GPATCH1: variants seen among roughly 807,000 people sequenced by gnomAD.
GPATCH1 encodes G-patch domain containing 1, also known as G patch domain-containing protein 1.
Under a neutral mutation model 114.9 loss-of-function variants are expected in GPATCH1, and 73 were observed. That is an observed-to-expected ratio of 0.64 (90% CI 0.53 to 0.77). GPATCH1 has a LOEUF of 0.77. GPATCH1 is among the 30% of genes least tolerant of loss of function. The pLI is 0.00. For missense variants in GPATCH1, 1,058 were observed against 1,144.3 expected, an observed-to-expected ratio of 0.92 and a Z score of 1.09; for synonymous variants, 391 against 428.4, an observed-to-expected ratio of 0.91 and a Z score of 1.08.
chr19:33,118,880 C>G, intron 16 of GPATCH1, 130 bp from the exon 17 acceptor site: 1 of 592,446 alleles, frequency 1.7e-6, no homozygotes. Flanking sequence ...ACTGCTGCAT[C>G]CTTAGCACCT....
chr19:33,081,489 G>A (rs1415858463), intron 1 of GPATCH1, among the ~76,000 whole-genome samples: 5 of 152,192 alleles, frequency 3.3e-5, no homozygotes, highest in African/African-American at 9.6e-5. Context: ...GAACAAGGGG[G>A]CGGCGAGATA....
At chr19:33,081,556 C>G (rs1972476687) in intron 1 of GPATCH1, among the ~76,000 whole-genome samples, 1 of 152,148 alleles carries the variant, frequency 6.6e-6, no homozygotes. Flanking sequence ...CAGGCAGTGT[C>G]TTCCCCGAGA....
At chr19:33,105,847 CT>C (rs562289122) in intron 9 of GPATCH1, among the ~76,000 whole-genome samples, 13 of 145,310 alleles carry the variant, frequency 8.9e-5, no homozygotes, top group South Asian at 2.2e-4. Flanking sequence ...ATTTGTCTTT[CT>C]TTTTTTTTTG....
chr19:33,112,715 A>G, intron 13 of GPATCH1, 102 bp downstream of exon 13: 1 of 821,810 alleles, frequency 1.2e-6, no homozygotes, highest in South Asian at 2.0e-5. Flanking sequence ...TTCTACATGA[A>G]CTTATTTGCA....
rs143872163 is a variant in GPATCH1, at chr19:33,090,808, A to G, written c.237A>G (p.Ser79=). Residue 79 remains serine (S), a synonymous_variant, in exon 3 of 20, where the codon TCA becomes TCG. Coordinates refer to ENST00000170564, the MANE Select transcript of GPATCH1 (RefSeq NM_018025.3). The part of the protein sequence containing the change: ...EGWTPSTFVS[S]RQNRADKSVL... ...GGACACCCTCTACCTTTGTGTCTTC[A>G]CGACAGAACAGAGCAGACAAATCTG... is the stretch of plus-strand genomic sequence containing the variant. The G allele has an allele frequency of 7.4e-6, 12 of 1,612,964 alleles. No homozygotes were observed. In the African/African-American group the frequency reaches 1.5e-4, roughly 20 times the overall value.
intron 17 of GPATCH1, among the ~76,000 whole-genome samples, chr19:33,120,608 C>T (rs1972972375): frequency 6.8e-6 from 1 of 147,160 alleles, no homozygotes; most frequent in Non-Finnish European, 1.5e-5. Flanking sequence ...CTTGTAATAG[C>T]AGTTTGGGAG....
intron 8 of GPATCH1, 83 bp downstream of exon 8, chr19:33,097,985 A>T: frequency 8.0e-7 from 1 of 1,254,562 alleles, no homozygotes; most frequent in Non-Finnish European, 1.1e-6. Context: ...ATACAGGAGC[A>T]CCAGCCTCTG....
chr19:33,089,636 C>T (rs375569841), intron 2 of GPATCH1, among the ~76,000 whole-genome samples: 2,971 of 115,116 alleles, frequency 0.026, 87 homozygotes, highest in African/African-American at 0.11. Context: ...TTTTTTTTTT[C>T]CTGAGATGTA....
intron 8 of GPATCH1, among the ~76,000 whole-genome samples, chr19:33,098,389 T>C (rs1035251811): frequency 6.6e-6 from 1 of 152,238 alleles, no homozygotes; most frequent in African/African-American, 2.4e-5. Context: ...CTTGTTGGGA[T>C]AAGAGGCTGA....
Position 33,117,978 on chromosome 19 carries a change from G to C in GPATCH1, c.2350G>C (p.Gly784Arg). Residue 784 changes from glycine (G) to arginine (R), a missense_variant, in exon 16 of 20, where the codon GGG becomes CGG. By Grantham distance (125) the Gly-to-Arg change is moderately radical. Coordinates refer to ENST00000170564, the MANE Select transcript of GPATCH1 (RefSeq NM_018025.3). ...GDSEDDQAGSGEANFQSSQDT... is the reference protein window; with the variant it reads ...GDSEDDQAGSREANFQSSQDT... ...CAGTGAAGATGATCAGGCAGGCTCTGGGGAGGCCAACTTCCAAAGCTCCCA... is the reference window on the plus strand; with the variant it reads ...CAGTGAAGATGATCAGGCAGGCTCTCGGGAGGCCAACTTCCAAAGCTCCCA... 1 of 1,613,798 alleles carries C rather than the reference G, an allele frequency of 6.2e-7. No individual in the cohort carries two copies. The highest frequency in any genetic ancestry group is 8.5e-7 in the Non-Finnish European group (1 of 1,179,936).
chr19:33,111,537 A>T (rs968651191), intron 11 of GPATCH1, among the ~76,000 whole-genome samples, 187 bp from the exon 12 acceptor site: 6 of 151,906 alleles, frequency 3.9e-5, no homozygotes, highest in Non-Finnish European at 7.4e-5. Context: ...AATTTTTTTT[A>T]AAAAAGCACA....
intron 5 of GPATCH1, among the ~76,000 whole-genome samples, chr19:33,095,197 C>T (rs374250335): frequency 4.9e-4 from 75 of 151,638 alleles, no homozygotes; most frequent in Non-Finnish European, 8.2e-4. Flanking sequence ...TTCCTCTCAC[C>T]GTAATGCTGT....
chr19:33,120,026 A>T (rs11878749), intron 17 of GPATCH1, among the ~76,000 whole-genome samples: 51,733 of 139,968 alleles, frequency 0.37, 10,944 homozygotes, highest in South Asian at 0.61. Context: ...ATATATTTAT[A>T]TATTTATATA....
intron 13 of GPATCH1, 22 bp from the exon 14 acceptor site, chr19:33,113,745 T>C (rs2145330617): frequency 6.2e-7 from 1 of 1,610,630 alleles, no homozygotes; most frequent in Admixed American, 1.7e-5. Context: ...GTTACTAAAA[T>C]GATTCTTTTT....
chr19:33,107,558 G>C (rs1972799378), intron 10 of GPATCH1, among the ~76,000 whole-genome samples: 1 of 152,196 alleles, frequency 6.6e-6, no homozygotes, highest in South Asian at 2.1e-4. Flanking sequence ...GTCTGAAAGG[G>C]ATGAATGTGT....
chr19:33,093,660 A>G, intron 4 of GPATCH1, 141 bp downstream of exon 4: 2 of 782,970 alleles, frequency 2.6e-6, no homozygotes, highest in Non-Finnish European at 4.2e-6. Context: ...GGTTTTGCGT[A>G]AAGGATCTTG....
chr19:33,097,715 C>T, intron 7 of GPATCH1, 40 bp from the exon 8 acceptor site: 1 of 1,599,564 alleles, frequency 6.3e-7, no homozygotes, highest in South Asian at 1.1e-5. Context: ...CAGACATACC[C>T]TAACACCTGT....
chr19:33,124,160 T>C (rs1439216248), intron 17 of GPATCH1, among the ~76,000 whole-genome samples: 2 of 149,680 alleles, frequency 1.3e-5, no homozygotes, highest in African/African-American at 4.9e-5. Context: ...GGCCGAAACT[T>C]TTCTTTAGGT....
At chr19:33,096,525 T>C (rs1370969103) in intron 7 of GPATCH1, 79 bp downstream of exon 7, 1 of 1,207,286 alleles carries the variant, frequency 8.3e-7, no homozygotes, top group African/African-American at 1.5e-5. Context: ...TTTTAGAGGT[T>C]CTTTATTTTC....
Sources: gnomAD v4.1 joint callset for allele counts (sites outside exome capture counted in the v4.1 genomes callset) on GRCh38, gnomAD v4.1.1 for gene constraint, MANE v1.5 for transcripts, NCBI Gene and HGNC (gene_info 2026-07-23, HGNC 2026-07-21) for gene names.